CBLB: variants seen among roughly 807,000 people sequenced by gnomAD.
CBLB encodes E3 ubiquitin-protein ligase CBL-B.
In CBLB, 31 loss-of-function variants were observed where a neutral mutation model predicts 104.9. The observed-to-expected ratio is 0.30, with a 90% CI of 0.22 to 0.40. The LOEUF (loss-of-function observed/expected upper bound fraction) is 0.40. Among genes scored for constraint, CBLB ranks in the 10% least tolerant of loss-of-function variants. The probability of loss-of-function intolerance (pLI) is 1.00; values close to 1 mark genes in which losing one functional copy is unlikely to be tolerated. For synonymous variants in CBLB, 440 were observed against 422.6 expected, an observed-to-expected ratio of 1.04 and a Z score of -0.51; for missense variants, 1,062 against 1,214.6, an observed-to-expected ratio of 0.87 and a Z score of 1.87.
At chr3:105,731,989 T>C (rs780473162) in intron 9 of CBLB, among the ~76,000 whole-genome samples, 5 of 152,216 alleles carry the variant, frequency 3.3e-5, no homozygotes, top group African/African-American at 7.2e-5. Flanking sequence ...GTTAGGAATT[T>C]GTATCAGCCT....
Position 105,700,306 on chromosome 3 carries a change from C to A in CBLB, c.1959+1788G>T, listed in dbSNP as rs192009992. Among the ~76,000 whole-genome samples the A allele has an allele frequency of 1.8e-3, 273 of 152,052 alleles. 1 individual carries two copies. Among genetic ancestry groups the A allele is most frequent in the East Asian group, 7.7e-4 (4 of 5,172 alleles). On this transcript the variant is annotated intron_variant, in intron 12 of 18. Coordinates refer to ENST00000394030, the MANE Select transcript of CBLB (RefSeq NM_170662.5). ...CTAAAAGAACCCCGAGACAAGATAT[C>A]TTCAATGAAATGGCTATAACAACTA... is the stretch of plus-strand genomic sequence containing the variant.
chr3:105,812,246 T>C (rs547438088), intron 3 of CBLB, among the ~76,000 whole-genome samples: 1 of 152,300 alleles, frequency 6.6e-6, no homozygotes, highest in Admixed American at 6.5e-5. Context: ...AGATACTTTC[T>C]TAAACCTAAA....
intron 9 of CBLB, among the ~76,000 whole-genome samples, chr3:105,733,097 C>T (rs1330740031): frequency 1.3e-5 from 2 of 152,162 alleles, no homozygotes; most frequent in African/African-American, 4.8e-5. Flanking sequence ...TGGGCTCACA[C>T]CTGTAATCCC....
intron 3 of CBLB, among the ~76,000 whole-genome samples, chr3:105,836,111 TG>T (rs931593427): frequency 1.3e-4 from 20 of 152,202 alleles, no homozygotes; most frequent in Admixed American, 2.6e-4. Flanking sequence ...ATTAATCTCT[TG>T]ATAAAGATGT....
intron 3 of CBLB, among the ~76,000 whole-genome samples, chr3:105,834,701 C>T (rs934315283): frequency 6.6e-6 from 1 of 151,974 alleles, no homozygotes. Flanking sequence ...TGACAGAAGT[C>T]AAAATCAAAA....
chr3:105,827,780 G>A (rs2086816200), intron 3 of CBLB, among the ~76,000 whole-genome samples: 1 of 152,136 alleles, frequency 6.6e-6, no homozygotes, highest in Admixed American at 6.5e-5. Flanking sequence ...GTTTAATACT[G>A]AATAACTGTA....
chr3:105,676,689 T>C (rs2065684517), intron 17 of CBLB, among the ~76,000 whole-genome samples: 1 of 152,140 alleles, frequency 6.6e-6, no homozygotes. Flanking sequence ...ACTAACTATA[T>C]GAATAAAAGC....
At chr3:105,682,548 A>G (rs2066443461) in intron 14 of CBLB, among the ~76,000 whole-genome samples, 1 of 152,054 alleles carries the variant, frequency 6.6e-6, no homozygotes, top group Non-Finnish European at 1.5e-5. Context: ...TGTGTGTTGC[A>G]AAGGCTGGAG....
At chr3:105,781,206 T>C (rs1000950744) in intron 3 of CBLB, among the ~76,000 whole-genome samples, 9 of 152,180 alleles carry the variant, frequency 5.9e-5, no homozygotes, top group Non-Finnish European at 1.0e-4. Context: ...GTCACCTATA[T>C]CATATTTCTT....
intron 12 of CBLB, among the ~76,000 whole-genome samples, chr3:105,697,046 C>T (rs1019878621): frequency 4.0e-5 from 6 of 151,844 alleles, no homozygotes; most frequent in Admixed American, 2.6e-4. Flanking sequence ...GGATCCCACA[C>T]ATTTTCTGGA....
In CBLB at chr3:105,814,217, T is replaced by C. The variant is rs148280507; in HGVS notation, c.420-37675A>G. 3.9e-5 allele frequency among the ~76,000 whole-genome samples: 6 copies of C among 152,288 alleles called. No homozygotes were observed. In the East Asian group the frequency reaches 1.2e-3, roughly 29 times the overall value. ...CCAACTAAAGCTTTTGTGTGCTTTA[T>C]GTTTATACGTGCATCAGAGATAAGA... On this transcript the variant is annotated intron_variant, in intron 3 of 18. Transcript: ENST00000394030.
rs779225047 is a variant in CBLB, at chr3:105,796,746, A to G, written c.420-20204T>C. Among the ~76,000 whole-genome samples the G allele has an allele frequency of 7.6e-4, 116 of 152,174 alleles. 1 individual carries two copies. Among genetic ancestry groups the G allele is most frequent in the Non-Finnish European group, 2.8e-4 (19 of 68,030 alleles). On this transcript the variant is annotated intron_variant, in intron 3 of 18. Coordinates refer to ENST00000394030, the MANE Select transcript of CBLB (RefSeq NM_170662.5). ...AACTTAAATTTACAAGCAAAAAACAACCCCATTAAAAAGTGGGCAAAGAAC... is the reference window on the plus strand; with the variant it reads ...AACTTAAATTTACAAGCAAAAAACAGCCCCATTAAAAAGTGGGCAAAGAAC...
In CBLB at chr3:105,770,387, T is replaced by C. The variant is rs560676346; in HGVS notation, c.566+6009A>G. ...CTGGAGAAGCCCTTCACCCTTCCAATAGCTGGAACAGATTTAGGGAAATAA... is the reference window on the plus strand; with the variant it reads ...CTGGAGAAGCCCTTCACCCTTCCAACAGCTGGAACAGATTTAGGGAAATAA... On this transcript the variant is annotated intron_variant, in intron 4 of 18. Transcript: ENST00000394030. 1.2e-3 allele frequency among the ~76,000 whole-genome samples: 177 copies of C among 152,240 alleles called. 1 individual carries two copies. Among genetic ancestry groups the C allele is most frequent in the African/African-American group, 4.1e-3 (171 of 41,546 alleles).
chr3:105,829,536 G>A (rs1248239269), intron 3 of CBLB, among the ~76,000 whole-genome samples: 1 of 151,826 alleles, frequency 6.6e-6, no homozygotes, highest in Admixed American at 6.6e-5. Flanking sequence ...GCATGTACCT[G>A]TAGTCCCACC....
Position 105,685,395 on chromosome 3 carries a change from T to A in CBLB, c.2126A>T (p.Tyr709Phe). The A allele has an allele frequency of 6.2e-7, 1 of 1,610,116 alleles. No individual in the cohort carries two copies. The highest frequency in any genetic ancestry group is 8.5e-7 in the Non-Finnish European group (1 of 1,176,406). ...RDPVEEDDDEYKIPSSHPVSL... is the reference protein window; with the variant it reads ...RDPVEEDDDEFKIPSSHPVSL... ...AACAGGGTGGGATGAAGGAATCTTG[T>A]ATTCATCATCATCTTCCTCTACTGG... is the stretch of plus-strand genomic sequence containing the variant. Residue 709 changes from tyrosine (Y) to phenylalanine (F), a missense_variant, in exon 14 of 19, where the codon TAC becomes TTC. This residue lies in a region of CBLB where 605 missense variants were observed against 582.6 expected (regional missense o/e 1.04). Transcript: ENST00000394030.
At chr3:105,741,641 C>T (rs556150757) in intron 6 of CBLB, among the ~76,000 whole-genome samples, 6 of 152,222 alleles carry the variant, frequency 3.9e-5, no homozygotes, top group East Asian at 1.9e-4. Flanking sequence ...GTGATCTGCC[C>T]GCCTTGGCCT....
chr3:105,820,111 G>C (rs1422159713), intron 3 of CBLB, among the ~76,000 whole-genome samples: 1 of 152,194 alleles, frequency 6.6e-6, no homozygotes, highest in Non-Finnish European at 1.5e-5. Context: ...ATGGGACACA[G>C]TGACAGATCA....
intron 2 of CBLB, among the ~76,000 whole-genome samples, chr3:105,864,078 G>T (rs1410108551): frequency 6.6e-6 from 1 of 152,106 alleles, no homozygotes; most frequent in Non-Finnish European, 1.5e-5. Context: ...ACACAATAAT[G>T]CTGTTCCTAA....
chr3:105,858,588 G>T (rs886904062), intron 2 of CBLB, among the ~76,000 whole-genome samples: 1 of 152,188 alleles, frequency 6.6e-6, no homozygotes, highest in Non-Finnish European at 1.5e-5. Flanking sequence ...GCACCGATTG[G>T]TGCATAAAAG....
Sources: allele counts gnomAD v4.1 joint callset (sites outside exome capture counted in the v4.1 genomes callset), GRCh38; gene constraint gnomAD v4.1.1; regional missense constraint gnomAD v4.1.1; transcripts MANE v1.5; gene names NCBI Gene and HGNC (gene_info 2026-07-23, HGNC 2026-07-21).